Variants in TXLNG observed in about 807,000 individuals in gnomAD.
TXLNG encodes the protein taxilin gamma, also known as gamma-taxilin.
TXLNG carries 5 observed loss-of-function variants against 38.8 expected under a neutral mutation model. The ratio of observed to expected loss-of-function variants is 0.13; its 90% CI spans 0.07 to 0.27. TXLNG has a LOEUF of 0.27. Ranked by LOEUF, TXLNG falls within the 10% of genes least tolerant of loss-of-function variation. TXLNG has a pLI of 1.00. For synonymous variants in TXLNG, 182 were observed against 158.2 expected, an observed-to-expected ratio of 1.15 and a Z score of -1.13; for missense variants, 393 against 398.2, an observed-to-expected ratio of 0.99 and a Z score of 0.11.
At chrX:16,835,058 TGTA>T (rs752468632) in intron 7 of TXLNG, among the ~76,000 whole-genome samples, 1 of 103,407 alleles carries the variant, frequency 9.7e-6, no homozygotes, top group East Asian at 3.0e-4. Context: ...GTGGAATGAG[TGTA>T]GGAGGAGTTA....
At chrX:16,840,077 C>G (rs1333457959) in intron 9 of TXLNG, 161 bp downstream of exon 9, 4 of 385,771 alleles carry the variant, frequency 1.0e-5, no homozygotes, top group Non-Finnish European at 1.8e-5. Flanking sequence ...TGGGTAGAAT[C>G]TGTGACTTCT....
intron 1 of TXLNG, among the ~76,000 whole-genome samples, chrX:16,792,551 C>T (rs899446470): frequency 2.7e-5 from 3 of 109,831 alleles, no homozygotes; most frequent in East Asian, 2.9e-4. Context: ...GAGGCCGAGA[C>T]GGGAGGACTG....
In TXLNG at chrX:16,840,963, A is replaced by G. The variant is rs184531039; in HGVS notation, c.1249-465A>G. ...TGTAATCCCAGCGCTTCGGGAGGCC[A>G]AGGCGGGCAGATCACGAGGTCAGGA... On this transcript the variant is annotated intron_variant, in intron 9 of 9. Coordinates refer to ENST00000380122, the MANE Select transcript of TXLNG (RefSeq NM_018360.3). Among the ~76,000 whole-genome samples, 806 of 111,033 alleles carry G rather than the reference A, an allele frequency of 7.3e-3. 22 individuals carry two copies. The highest frequency in any genetic ancestry group is 0.061 in the Admixed American group (643 of 10,459).
chrX:16,823,723 C>G (rs1968393893), intron 3 of TXLNG, among the ~76,000 whole-genome samples: 1 of 111,363 alleles, frequency 9.0e-6, no homozygotes, highest in Non-Finnish European at 1.9e-5. Context: ...AACATGTTCA[C>G]CAGATCACAT....
At chrX:16,806,377 G>T (rs1928328563) in intron 1 of TXLNG, among the ~76,000 whole-genome samples, 1 of 112,614 alleles carries the variant, frequency 8.9e-6, no homozygotes, top group South Asian at 3.6e-4. Context: ...GAGCATGGTT[G>T]CACATACACT....
chrX:16,840,865 T>G (rs1342916884), intron 9 of TXLNG, among the ~76,000 whole-genome samples: 1 of 111,848 alleles, frequency 8.9e-6, no homozygotes, highest in Non-Finnish European at 1.9e-5. Flanking sequence ...TGTCTGCTAC[T>G]CTTTGTCATA....
At chrX:16,836,599 G>GC (rs1461925401) in intron 7 of TXLNG, among the ~76,000 whole-genome samples, 3 of 112,104 alleles carry the variant, frequency 2.7e-5, no homozygotes, top group Non-Finnish European at 5.6e-5. Flanking sequence ...TTCCGGGATG[G>GC]CCCGTCCCCC....
intron 3 of TXLNG, among the ~76,000 whole-genome samples, chrX:16,823,192 G>T (rs1466064083): frequency 1.8e-5 from 2 of 110,735 alleles, no homozygotes; most frequent in Non-Finnish European, 3.8e-5. Flanking sequence ...GTAGATATAG[G>T]CCGGGCGTAT....
chrX:16,788,686 G>C (rs769092661), intron 1 of TXLNG, among the ~76,000 whole-genome samples: 1 of 20,803 alleles, frequency 4.8e-5, no homozygotes, highest in East Asian at 9.9e-4. Flanking sequence ...TTTTTTTTTT[G>C]AGTCAGAGTC....
intron 1 of TXLNG, among the ~76,000 whole-genome samples, chrX:16,790,898 T>A (rs1409243528): frequency 8.9e-6 from 1 of 111,828 alleles, no homozygotes; most frequent in African/African-American, 3.2e-5. Context: ...TAATGAGTAG[T>A]GTAGTACTGG....
chrX:16,841,706 A>C lies in TXLNG; in HGVS notation c.1527A>C (p.Arg509Ser), dbSNP rs34744750. The change falls in exon 10 of 10, where the codon AGA (arginine) becomes AGC (serine). Residue 509 changes from arginine (R) to serine (S), a missense_variant. Arg to Ser is a moderately radical substitution (Grantham distance 110, BLOSUM62 -1). Coordinates refer to ENST00000380122, the MANE Select transcript of TXLNG (RefSeq NM_018360.3). ...AHLEAEPKSQ[R>S]SAVQKPPSTG... is the part of the protein sequence containing the mutation. ...TGGAGGCTGAGCCCAAGAGTCAGAG[A>C]AGCGCTGTGCAAAAGCCCCCGTCCA... 1.6e-3 allele frequency: 1,981 copies of C among 1,210,181 alleles called. 20 individuals are homozygous for C. In the African/African-American group the frequency reaches 0.031, roughly 19 times the overall value.
intron 1 of TXLNG, among the ~76,000 whole-genome samples, chrX:16,814,651 T>G (rs921055513): frequency 9.0e-6 from 1 of 111,167 alleles, no homozygotes; most frequent in African/African-American, 3.3e-5. Flanking sequence ...GGCCACATAT[T>G]GTATAGCTCC....
chrX:16,802,064 C>T (rs1299864573), intron 1 of TXLNG, among the ~76,000 whole-genome samples: 3 of 103,370 alleles, frequency 2.9e-5, no homozygotes, highest in Non-Finnish European at 3.9e-5. Context: ...CACGATTCTC[C>T]TGCCTCAGCC....
chrX:16,825,884 C>T (rs1929148381), intron 3 of TXLNG, among the ~76,000 whole-genome samples: 1 of 112,318 alleles, frequency 8.9e-6, no homozygotes, highest in Non-Finnish European at 1.9e-5. Flanking sequence ...TGCAGCTACA[C>T]GCCAACAATG....
At chrX:16,839,995 A>G (rs1274328228) in intron 9 of TXLNG, 79 bp downstream of exon 9, 4 of 770,755 alleles carry the variant, frequency 5.2e-6, no homozygotes, top group Non-Finnish European at 1.9e-6. Flanking sequence ...GGGGCCGGGG[A>G]CGTGTGCTGT....
chrX:16,820,699 T>C (rs1928905963), intron 3 of TXLNG, among the ~76,000 whole-genome samples: 1 of 112,922 alleles, frequency 8.9e-6, no homozygotes, highest in African/African-American at 3.2e-5. Context: ...GCATCTACTA[T>C]GTGTCAAGCA....
At position 16,844,490 on chromosome X, in the gene TXLNG, A is replaced by AGAT. The variant is rs1336681336; in HGVS notation, c.*2725_*2727dup. 1.8e-5 allele frequency: 2 copies of AGAT among 111,660 alleles called. No homozygotes were observed. The highest frequency in any genetic ancestry group is 6.5e-5 in the African/African-American group (2 of 30,653). 9.2% of individuals were successfully genotyped at this position (111,660 alleles called of 1,213,427 possible). On this transcript the variant is annotated 3_prime_UTR_variant, in exon 10 of 10. Transcript: ENST00000380122. ...TGATTTTATCTACTTGATTCTGTAT[A>AGAT]GATTAAGTAAATATGTATGATAAAC...
intron 7 of TXLNG, among the ~76,000 whole-genome samples, chrX:16,837,274 C>G (rs1232920246): frequency 8.9e-6 from 1 of 111,969 alleles, no homozygotes; most frequent in Admixed American, 9.5e-5. Context: ...TTCCCAAGGA[C>G]AGTTTTCACT....
intron 1 of TXLNG, chrX:16,803,491 A>G (rs1227581990): frequency 9.5e-6 from 1 of 105,522 alleles, no homozygotes; most frequent in Non-Finnish European, 1.9e-5. Flanking sequence ...AGTAGCTGGG[A>G]CTACAGGCGC....
Sources: gnomAD v4.1 joint callset for allele counts (sites outside exome capture counted in the v4.1 genomes callset) on GRCh38, gnomAD v4.1.1 for gene constraint, MANE v1.5 for transcripts, NCBI Gene and HGNC (gene_info 2026-07-23, HGNC 2026-07-21) for gene names.